AGBL4: variants seen among roughly 807,000 people sequenced by gnomAD.
AGBL4 encodes the protein AGBL carboxypeptidase 4, also known as cytosolic carboxypeptidase 6.
Under a neutral mutation model 66.4 loss-of-function variants are expected in AGBL4, and 58 were observed. The ratio of observed to expected loss-of-function variants is 0.87; its 90% CI spans 0.71 to 1.09. The LOEUF is 1.09. AGBL4 is among the 50% of genes least tolerant of loss of function. The pLI, the probability that AGBL4 is intolerant of heterozygous loss-of-function variation, is 0.00. For synonymous variants in AGBL4, 234 were observed against 222.9 expected (o/e 1.05, Z -0.44); for missense variants, 579 against 631.0 (o/e 0.92, Z 0.88).
At chr1:48,524,825 C>T in the AGBL4 span, among the ~76,000 whole-genome samples, 64 of 151,582 alleles carry the variant, frequency 4.2e-4, no homozygotes, top group Admixed American at 2.0e-3. Context: ...TTTTACCTGT[C>T]GTAGTCTCTC....
intron 3 of AGBL4, among the ~76,000 whole-genome samples, chr1:49,377,031 A>G (rs1644485515): frequency 6.6e-6 from 1 of 152,130 alleles, no homozygotes; most frequent in Admixed American, 6.6e-5. Context: ...ACTCATATAT[A>G]CTACTTGAAT....
rs546617889 is a variant in AGBL4, at chr1:49,606,440, T to C, written c.282+90873A>G. 3.9e-5 allele frequency among the ~76,000 whole-genome samples: 6 copies of C among 152,260 alleles called. 1 individual carries two copies. The South Asian group carries it at 1.2e-3, about 32-fold the overall frequency. Reference sequence around the variant, plus strand: ...GCTGCTGCGATCTTATTTTTGACAGTCAATGAGAATGTTTGATCTATATTT... The same window carrying C: ...GCTGCTGCGATCTTATTTTTGACAGCCAATGAGAATGTTTGATCTATATTT... On this transcript the variant is annotated intron_variant, in intron 3 of 13. Transcript: ENST00000371839.
chr1:48,669,586 C>A (rs1044137996), intron 6 of AGBL4, among the ~76,000 whole-genome samples: 1 of 152,144 alleles, frequency 6.6e-6, no homozygotes, highest in African/African-American at 2.4e-5. Flanking sequence ...TTCAAACTGG[C>A]CTCATCATTA....
intron 3 of AGBL4, among the ~76,000 whole-genome samples, chr1:49,671,813 C>T (rs1361725276): frequency 1.3e-5 from 2 of 151,892 alleles, no homozygotes; most frequent in Non-Finnish European, 2.9e-5. Context: ...AAAATGGCTA[C>T]TAATTAAAAG....
At position 49,078,790 on chromosome 1, in the gene AGBL4, T is replaced by C. The variant is rs543912492; in HGVS notation, c.378-32990A>G. Among the ~76,000 whole-genome samples the C allele has an allele frequency of 2.0e-5, 3 of 152,310 alleles. No homozygotes were observed. In the East Asian group the frequency reaches 5.8e-4, roughly 29 times the overall value. ...ACCTTTTGTCTTCAATCTTGCTTTTTCCCCTTCACTGCGCAATTCAGTCTA... is the reference window on the plus strand; with the variant it reads ...ACCTTTTGTCTTCAATCTTGCTTTTCCCCCTTCACTGCGCAATTCAGTCTA... On this transcript the variant is annotated intron_variant, in intron 4 of 13. Transcript: ENST00000371839.
chr1:48,599,674 C>G (rs980421362), intron 9 of AGBL4, among the ~76,000 whole-genome samples: 1 of 152,160 alleles, frequency 6.6e-6, no homozygotes, highest in African/African-American at 2.4e-5. Context: ...GACTTGAACA[C>G]TAAGTAGATG....
intron 1 of AGBL4, among the ~76,000 whole-genome samples, chr1:50,010,126 TGAAACCG>T: frequency 6.6e-6 from 1 of 151,994 alleles, no homozygotes; most frequent in Non-Finnish European, 1.5e-5. Flanking sequence ...GCTAACAAGA[TGAAACCG>T]TGTCTCTACT....
chr1:49,593,348 A>C (rs1332565611), intron 3 of AGBL4, among the ~76,000 whole-genome samples: 1 of 151,826 alleles, frequency 6.6e-6, no homozygotes, highest in Admixed American at 6.6e-5. Context: ...CAGAGCTTGC[A>C]GTGAGCCGAG....
In AGBL4 at chr1:49,411,674, C is replaced by T. The variant is rs1056177740; in HGVS notation, c.283-165810G>A. Among the ~76,000 whole-genome samples, 4 of 142,372 alleles carry T rather than the reference C, an allele frequency of 2.8e-5. No individual in the cohort carries two copies. The South Asian group carries it at 9.6e-4, about 34-fold the overall frequency. 93.4% of individuals were successfully genotyped at this position (142,372 alleles called of 152,430 possible). On this transcript the variant is annotated intron_variant, in intron 3 of 13. Transcript: ENST00000371839. ...AAGGTCAGATAGTAATTCAATGTGA[C>T]TAACACACAGAAAGGGGCAACCTCT...
chr1:49,431,661 A>G (rs1485085698), intron 3 of AGBL4, among the ~76,000 whole-genome samples: 1 of 152,160 alleles, frequency 6.6e-6, no homozygotes, highest in Non-Finnish European at 1.5e-5. Flanking sequence ...TTTTTAAAAA[A>G]ATATGACCCA....
intron 9 of AGBL4, among the ~76,000 whole-genome samples, chr1:48,616,966 G>C (rs1443654202): frequency 6.6e-6 from 1 of 152,166 alleles, no homozygotes; most frequent in Non-Finnish European, 1.5e-5. Context: ...TCAGAGCAGG[G>C]ACCATTTCTT....
chr1:49,979,637 C>A (rs1182654282), intron 1 of AGBL4, among the ~76,000 whole-genome samples: 3 of 152,110 alleles, frequency 2.0e-5, no homozygotes, highest in Admixed American at 2.0e-4. Context: ...TTGTGGTGAG[C>A]TCAAGGGTTG....
intron 3 of AGBL4, among the ~76,000 whole-genome samples, chr1:49,455,828 T>G (rs1328941698): frequency 6.6e-6 from 1 of 151,700 alleles, no homozygotes; most frequent in Non-Finnish European, 1.5e-5. Flanking sequence ...CCTCACTGTT[T>G]TTGAACACAT....
intron 6 of AGBL4, among the ~76,000 whole-genome samples, chr1:48,672,987 AG>A (rs58712026): frequency 1 from 152,238 of 152,238 alleles, 76,119 homozygotes; most frequent in Non-Finnish European, 1. Flanking sequence ...TTGTATTGTG[AG>A]GGCTCAGTAC....
chr1:48,712,494 T>C (rs1646984090), intron 6 of AGBL4, among the ~76,000 whole-genome samples: 1 of 152,170 alleles, frequency 6.6e-6, no homozygotes, highest in Non-Finnish European at 1.5e-5. Context: ...AAAGTAATAA[T>C]AATAATAGTG....
chr1:49,627,112 T>C (rs1645478832), intron 3 of AGBL4, among the ~76,000 whole-genome samples: 2 of 152,078 alleles, frequency 1.3e-5, no homozygotes, highest in African/African-American at 4.8e-5. Context: ...CAAAAAGCTA[T>C]TCTTTGATGG....
At chr1:49,724,632 T>C (rs1480689887) in intron 2 of AGBL4, among the ~76,000 whole-genome samples, 1 of 152,156 alleles carries the variant, frequency 6.6e-6, no homozygotes, top group Non-Finnish European at 1.5e-5. Context: ...AATTCATATG[T>C]TGAAACTCTA....
At chr1:49,000,612 G>A (rs1371153239) in intron 5 of AGBL4, among the ~76,000 whole-genome samples, 1 of 152,060 alleles carries the variant, frequency 6.6e-6, no homozygotes, top group Non-Finnish European at 1.5e-5. Flanking sequence ...CTGAGATGCT[G>A]GCCTTGATAC....
chr1:49,406,376 A>G (rs761799074), intron 3 of AGBL4, among the ~76,000 whole-genome samples: 2 of 152,240 alleles, frequency 1.3e-5, no homozygotes, highest in Non-Finnish European at 1.5e-5. Context: ...ATCAAAACCA[A>G]TAATCTTACC....
Sources: gnomAD v4.1 joint callset for allele counts (sites outside exome capture counted in the v4.1 genomes callset) on GRCh38, gnomAD v4.1.1 for gene constraint, MANE v1.5 for transcripts, NCBI Gene and HGNC (gene_info 2026-07-23, HGNC 2026-07-21) for gene names.